The following WSCD1 variants were observed in gnomAD, a reference collection of about 807,000 sequenced individuals.
WSCD1 encodes sialate:O-sulfotransferase 1.
In WSCD1, 41 loss-of-function variants were observed where a neutral mutation model predicts 60.4. That is an observed-to-expected ratio of 0.68 (90% CI 0.53 to 0.88). WSCD1 has a LOEUF of 0.88. Among genes scored for constraint, WSCD1 ranks in the 40% least tolerant of loss-of-function variants. The pLI is 0.00. For synonymous variants in WSCD1, 361 were observed against 332.5 expected (o/e 1.09, Z -0.93); for missense variants, 784 against 796.2 (o/e 0.98, Z 0.18).
chr17:6,116,292 G>A (rs576659170), intron 7 of WSCD1, among the ~76,000 whole-genome samples: 1 of 152,132 alleles, frequency 6.6e-6, no homozygotes, highest in Non-Finnish European at 1.5e-5. Context: ...AGCTATAGAG[G>A]TTGGGTCGAC....
chr17:6,069,436 A>G (rs79980610), upstream of WSCD1: 1,429 of 207,490 alleles, frequency 6.9e-3, 22 homozygotes, highest in African/African-American at 0.042. Flanking sequence ...TGTGAGAGAG[A>G]GAGAGAGAGA....
intron 1 of WSCD1, among the ~76,000 whole-genome samples, chr17:6,078,592 G>A (rs187625948): frequency 2.1e-3 from 320 of 152,242 alleles, no homozygotes; most frequent in Admixed American, 4.8e-3. Context: ...GTGTGTGTGC[G>A]TGCATGCATG....
intron 3 of WSCD1, among the ~76,000 whole-genome samples, chr17:6,088,647 G>C (rs989492779): frequency 1.2e-4 from 18 of 152,076 alleles, no homozygotes; most frequent in African/African-American, 4.3e-4. Flanking sequence ...CCAGGGAAAT[G>C]GTTCCTAATG....
At position 6,118,209 on chromosome 17, in the gene WSCD1, G is replaced by A; in HGVS notation, c.1375+21G>A. Reference sequence around the variant, plus strand: ...CAAAGGTAATCAAGGACCTTGCGGTGGGGGTGGGAGGCTTGTCAGTACAGG... The same window carrying A: ...CAAAGGTAATCAAGGACCTTGCGGTAGGGGTGGGAGGCTTGTCAGTACAGG... On this transcript the variant is annotated intron_variant, in intron 8 of 8. Coordinates refer to ENST00000317744, the MANE Select transcript of WSCD1 (RefSeq NM_015253.2). This position sits in a 1 kb window ranked among gnomAD's most constrained non-coding sequence, Gnocchi z 5.8. 1.2e-6 allele frequency: 2 copies of A among 1,611,866 alleles called. No individual in the cohort carries two copies. Among genetic ancestry groups the A allele is most frequent in the South Asian group, 1.1e-5 (1 of 90,866 alleles).
Position 6,120,581 on chromosome 17 carries a change from A to G in WSCD1, c.1648A>G (p.Asn550Asp), listed in dbSNP as rs1904624703. Reference protein sequence around the residue: ...PFTPEMKDLINGYIRTVDQAL... With the variant: ...PFTPEMKDLIDGYIRTVDQAL... Reference sequence around the variant, plus strand: ...CACCCCGGAGATGAAAGACTTGATCAATGGCTACATCCGGACGGTGGACCA... The same window carrying G: ...CACCCCGGAGATGAAAGACTTGATCGATGGCTACATCCGGACGGTGGACCA... Residue 550 changes from asparagine (N) to aspartate (D), a missense_variant, in exon 9 of 9, where the codon AAT becomes GAT. Asn to Asp is a conservative substitution (Grantham distance 23). Transcript: ENST00000317744. 6.2e-7 allele frequency: 1 copy of G among 1,613,690 alleles called. No individual in the cohort carries two copies. The highest frequency in any genetic ancestry group is 8.5e-7 in the Non-Finnish European group (1 of 1,179,992).
At chr17:6,078,411 G>C (rs891870012) in intron 1 of WSCD1, among the ~76,000 whole-genome samples, 1 of 152,220 alleles carries the variant, frequency 6.6e-6, no homozygotes, top group Admixed American at 6.5e-5. Context: ...TTTCTCTGAG[G>C]AACAATATCT....
At chr17:6,119,127 G>A (rs1282131580) in intron 8 of WSCD1, among the ~76,000 whole-genome samples, 2 of 152,006 alleles carry the variant, frequency 1.3e-5, no homozygotes, top group Non-Finnish European at 2.9e-5. Context: ...GACTCTAATC[G>A]CCTCCCAAAT....
At chr17:6,086,274 T>TATATATATATATATATATATATATAC (rs1171616404) in intron 2 of WSCD1, among the ~76,000 whole-genome samples, 8 of 145,734 alleles carry the variant, frequency 5.5e-5, no homozygotes, top group African/African-American at 1.3e-4. Context: ...TATATATATA[T>TATATATATATATATATATATATATAC]ACTTATGTAC....
intron 5 of WSCD1, among the ~76,000 whole-genome samples, chr17:6,098,582 C>T (rs748640383): frequency 2.0e-5 from 3 of 152,218 alleles, no homozygotes; most frequent in Non-Finnish European, 4.4e-5. Context: ...GAAACAGCCT[C>T]TGTCCTCAGC....
upstream of WSCD1, chr17:6,069,204 C>T (rs865930776): frequency 3.5e-5 from 14 of 398,702 alleles, no homozygotes; most frequent in Middle Eastern, 6.3e-4. Context: ...GCAGCCAGCT[C>T]CGGGTGAGGA....
At chr17:6,096,750 C>T (rs1910463760) in intron 5 of WSCD1, among the ~76,000 whole-genome samples, 1 of 152,208 alleles carries the variant, frequency 6.6e-6, no homozygotes, top group Non-Finnish European at 1.5e-5. Flanking sequence ...TGCTGGTGCT[C>T]TCAGGAGAAT....
At chr17:6,119,604 TAGAC>T (rs1467092306) in intron 8 of WSCD1, among the ~76,000 whole-genome samples, 3 of 152,076 alleles carry the variant, frequency 2.0e-5, no homozygotes, top group African/African-American at 4.8e-5. Flanking sequence ...ATCCTTTACT[TAGAC>T]AGCCCCCGAC....
chr17:6,105,925 T>G (rs765423453), intron 5 of WSCD1, among the ~76,000 whole-genome samples: 7 of 152,342 alleles, frequency 4.6e-5, no homozygotes, highest in Admixed American at 6.5e-5. Context: ...CTCATGCCTG[T>G]GGTGCAGTTA....
intron 8 of WSCD1, 66 bp from the exon 9 acceptor site, chr17:6,120,243 C>A: frequency 6.5e-7 from 1 of 1,546,250 alleles, no homozygotes. Flanking sequence ...CCGAGCAGCC[C>A]CCCGGGGACC....
chr17:6,117,984 G>A lies in WSCD1; in HGVS notation c.1175-4G>A. The A allele has an allele frequency of 6.2e-7, 1 of 1,613,112 alleles. No individual in the cohort carries two copies. Among genetic ancestry groups the A allele is most frequent in the Non-Finnish European group, 8.5e-7 (1 of 1,179,938 alleles). On this transcript the variant is annotated splice_region_variant and splice_polypyrimidine_tract_variant and intron_variant, in intron 7 of 8. Coordinates refer to ENST00000317744, the MANE Select transcript of WSCD1 (RefSeq NM_015253.2). The stretch of plus-strand genomic sequence containing the variant: ...CACAGAGACCCTCTCATTTTTCCCT[G>A]CAGGGTTCAAGGGCGAAAAGGACCA...
At chr17:6,079,039 G>A (rs979282056) in intron 1 of WSCD1, among the ~76,000 whole-genome samples, 10 of 152,154 alleles carry the variant, frequency 6.6e-5, no homozygotes, top group Admixed American at 1.3e-4. Context: ...CAGCCTAAAG[G>A]ACCAGCCGAC....
chr17:6,082,839 G>T (rs1290775145), intron 2 of WSCD1, among the ~76,000 whole-genome samples: 1 of 152,292 alleles, frequency 6.6e-6, no homozygotes, highest in Non-Finnish European at 1.5e-5. Flanking sequence ...GCTTTATTTT[G>T]ATCATGACGA....
upstream of WSCD1, among the ~76,000 whole-genome samples, chr17:6,069,625 G>T (rs1908401683): frequency 1.3e-5 from 2 of 152,010 alleles, no homozygotes; most frequent in African/African-American, 4.8e-5. Flanking sequence ...GCGGGAGCTG[G>T]TGTCAGGGTA....
Position 6,124,266 on chromosome 17 carries a change from G to A in WSCD1, c.*3605G>A, listed in dbSNP as rs1055553555. On this transcript the variant is annotated 3_prime_UTR_variant, in exon 9 of 9. Transcript: ENST00000317744. ...CCTTGGGCCTTGGGATCATGACCAGGAATCACGTGAAGCTGACACCACTGA... is the reference window on the plus strand; with the variant it reads ...CCTTGGGCCTTGGGATCATGACCAGAAATCACGTGAAGCTGACACCACTGA... The A allele has an allele frequency of 2.0e-5, 3 of 152,206 alleles. No individual in the cohort carries two copies. Among genetic ancestry groups the A allele is most frequent in the African/African-American group, 4.8e-5 (2 of 41,448 alleles). The allele number at this position is 152,206 out of a possible 1,614,324, so 9.4% of individuals were successfully genotyped here.
Sources: gnomAD v4.1 joint callset for allele counts (sites outside exome capture counted in the v4.1 genomes callset) on GRCh38, gnomAD v4.1.1 for gene constraint, Gnocchi (gnomAD v3.1) non-coding constraint, MANE v1.5 for transcripts, NCBI Gene and HGNC (gene_info 2026-07-23, HGNC 2026-07-21) for gene names.